PDE6A: variants seen among roughly 807,000 people sequenced by gnomAD.
The protein encoded by PDE6A is phosphodiesterase 6A, also known as rod cGMP-specific 3',5'-cyclic phosphodiesterase subunit alpha.
PDE6A carries 84 observed loss-of-function variants against 106.3 expected under a neutral mutation model. The observed-to-expected ratio is 0.79, with a 90% CI of 0.66 to 0.95. PDE6A has a LOEUF of 0.95. Ranked by LOEUF, PDE6A falls within the 40% of genes least tolerant of loss-of-function variation. The probability of loss-of-function intolerance (pLI) is 0.00; values close to 1 mark genes in which losing one functional copy is unlikely to be tolerated. For synonymous variants in PDE6A, 394 were observed against 386.6 expected (o/e 1.02, Z -0.23); for missense variants, 1,052 against 1,084.9 (o/e 0.97, Z 0.43).
intron 3 of PDE6A, 129 bp from the exon 4 acceptor site, chr5:149,931,297 G>T: frequency 1.2e-6 from 1 of 841,820 alleles, no homozygotes; most frequent in Non-Finnish European, 2.0e-6. Flanking sequence ...ATAATCCAGA[G>T]AAATAGACAG....
intron 13 of PDE6A, among the ~76,000 whole-genome samples, chr5:149,893,361 G>A (rs533978190): frequency 6.6e-6 from 1 of 152,290 alleles, no homozygotes; most frequent in South Asian, 2.1e-4. Context: ...AACCAGGGAA[G>A]GTTTTCCACA....
At position 149,944,353 on chromosome 5, in the gene PDE6A, C is replaced by A; in HGVS notation, c.321G>T (p.Glu107Asp). Residue 107 changes from glutamate to aspartate, a missense_variant, in exon 1 of 22, where the codon GAG (glutamate) becomes GAT (aspartate). Physicochemically the swap from Glu to Asp is conservative, Grantham distance 45. Around this residue, in one of 3 missense-constraint regions of PDE6A, gnomAD observed 913 missense variants for 915.2 expected, o/e 1.00. Transcript: ENST00000255266. ...GGACATTGAAAAGCCTGGTGGCCAG[C>A]TCTGCGATGCCATTGCGGGTCCGGT... ...FMYRTRNGIA[E>D]LATRLFNVHK... is the part of the protein sequence containing the mutation. 1 of 1,614,110 alleles carries A rather than the reference C, an allele frequency of 6.2e-7. No homozygotes were observed. The highest frequency in any genetic ancestry group is 1.1e-5 in the South Asian group (1 of 91,070).
Position 149,863,244 on chromosome 5 carries a change from T to C in PDE6A, c.2381A>G (p.Glu794Gly). Residue 794 changes from glutamate to glycine, a missense_variant, in exon 21 of 22, where the codon GAG becomes GGG. Transcript: ENST00000255266. This position sits in a 1 kb window ranked among gnomAD's most constrained non-coding sequence, Gnocchi z 4.7. ...GATCCCGTCCAACATTGGGGTGATC[T>C]CCTCGTGGAAACGGGAGAATTCCTA... ...VYKEFSRFHE[E>G]ITPMLDGITN... 6.2e-7 allele frequency: 1 copy of C among 1,614,178 alleles called. No homozygotes were observed. Among genetic ancestry groups the C allele is most frequent in the Non-Finnish European group, 8.5e-7 (1 of 1,180,020 alleles).
At chr5:149,943,288 A>G (rs1754369246) in intron 1 of PDE6A, among the ~76,000 whole-genome samples, 1 of 152,130 alleles carries the variant, frequency 6.6e-6, no homozygotes, top group African/African-American at 2.4e-5. Flanking sequence ...AATCCATTAA[A>G]CCTTGAGTCA....
intron 13 of PDE6A, among the ~76,000 whole-genome samples, chr5:149,892,471 A>G (rs189721955): frequency 3.5e-4 from 53 of 151,236 alleles, no homozygotes; most frequent in African/African-American, 1.2e-3. Flanking sequence ...AAATTGTATG[A>G]CATTTTCTTT....
At chr5:149,879,041 T>A (rs2113537450) in intron 17 of PDE6A, among the ~76,000 whole-genome samples, 1 of 152,028 alleles carries the variant, frequency 6.6e-6, no homozygotes, top group East Asian at 1.9e-4. Flanking sequence ...ATTTTATTTA[T>A]GTTTATTTTA....
intron 5 of PDE6A, among the ~76,000 whole-genome samples, chr5:149,920,932 G>GAGAGAA (rs1466066402): frequency 1.7e-3 from 153 of 90,634 alleles, no homozygotes; most frequent in African/African-American, 6.1e-3. Flanking sequence ...AAGAAAGAGA[G>GAGAGAA]AAAGAGAGAA....
chr5:149,883,199 T>G (rs1401167370), intron 17 of PDE6A, among the ~76,000 whole-genome samples: 1 of 152,228 alleles, frequency 6.6e-6, no homozygotes, highest in Non-Finnish European at 1.5e-5. Flanking sequence ...ATTTTTTTAT[T>G]CAGATAAATA....
chr5:149,904,492 A>C (rs543280591), intron 7 of PDE6A, among the ~76,000 whole-genome samples: 1 of 152,236 alleles, frequency 6.6e-6, no homozygotes, highest in East Asian at 1.9e-4. Context: ...TGTGAACTGC[A>C]CACAGGCATC....
chr5:149,877,311 T>C (rs528603369), intron 17 of PDE6A, among the ~76,000 whole-genome samples: 1 of 152,186 alleles, frequency 6.6e-6, no homozygotes, highest in East Asian at 1.9e-4. Flanking sequence ...GGTCCAGTGG[T>C]TCATGCCTGT....
At chr5:149,917,396 C>A (rs370482622) in intron 5 of PDE6A, among the ~76,000 whole-genome samples, 1 of 152,138 alleles carries the variant, frequency 6.6e-6, no homozygotes, top group Non-Finnish European at 1.5e-5. Flanking sequence ...CCAAGCCTCC[C>A]GACTCAGAAC....
chr5:149,942,104 G>A (rs1754342722), intron 1 of PDE6A, among the ~76,000 whole-genome samples: 1 of 152,028 alleles, frequency 6.6e-6, no homozygotes, highest in African/African-American at 2.4e-5. Flanking sequence ...CAGGACCACA[G>A]GTGTGCACCA....
chr5:149,875,545 A>G (rs917683052), intron 17 of PDE6A, among the ~76,000 whole-genome samples: 3 of 144,226 alleles, frequency 2.1e-5, no homozygotes, highest in African/African-American at 5.2e-5. Context: ...GCTGGAGTGT[A>G]GTGGCACCGT....
chr5:149,904,630 T>G (rs1753116005), intron 7 of PDE6A, among the ~76,000 whole-genome samples: 1 of 152,136 alleles, frequency 6.6e-6, no homozygotes, highest in Admixed American at 6.6e-5. Flanking sequence ...CACCTGGGCT[T>G]GTAGTGACCC....
intron 7 of PDE6A, among the ~76,000 whole-genome samples, chr5:149,906,456 G>A (rs945909983): frequency 7.2e-6 from 1 of 137,990 alleles, no homozygotes; most frequent in Non-Finnish European, 1.5e-5. Context: ...AGCCCAGGAG[G>A]CGGAGGTTGC....
chr5:149,918,079 T>C (rs1753605949), intron 5 of PDE6A, among the ~76,000 whole-genome samples: 1 of 152,250 alleles, frequency 6.6e-6, no homozygotes, highest in Non-Finnish European at 1.5e-5. Context: ...TCTAAGGTTA[T>C]GATAAGATAG....
At chr5:149,936,946 A>T (rs923324948) in intron 1 of PDE6A, among the ~76,000 whole-genome samples, 2 of 152,254 alleles carry the variant, frequency 1.3e-5, no homozygotes, top group African/African-American at 4.8e-5. Flanking sequence ...AATGAACATT[A>T]CTGTTGTAAT....
At position 149,860,842 on chromosome 5, in the gene PDE6A, C is replaced by T; in HGVS notation, c.*53G>A. ...TGTGTGGTCTTCCACTGGCTTGAGT[C>T]ATCTCTTCCCAGGAAAGGGTGGTGC... On this transcript the variant is annotated 3_prime_UTR_variant, in exon 22 of 22. Coordinates refer to ENST00000255266, the MANE Select transcript of PDE6A (RefSeq NM_000440.3). 1 of 1,459,152 alleles carries T rather than the reference C, an allele frequency of 6.9e-7. No individual in the cohort carries two copies. Among genetic ancestry groups the T allele is most frequent in the Non-Finnish European group, 9.6e-7 (1 of 1,039,298 alleles). 90.4% of individuals were successfully genotyped at this position (1,459,152 alleles called of 1,614,324 possible).
At chr5:149,882,989 C>T (rs1007616789) in intron 17 of PDE6A, among the ~76,000 whole-genome samples, 2 of 151,996 alleles carry the variant, frequency 1.3e-5, no homozygotes, top group African/African-American at 2.4e-5. Flanking sequence ...ACCTGGGAGG[C>T]GGAAGTTGCA....
Sources: allele counts gnomAD v4.1 joint callset (sites outside exome capture counted in the v4.1 genomes callset), GRCh38; gene constraint gnomAD v4.1.1; regional missense constraint gnomAD v4.1.1; non-coding constraint Gnocchi (gnomAD v3.1); transcripts MANE v1.5; gene names NCBI Gene and HGNC (gene_info 2026-07-23, HGNC 2026-07-21).